UBE4A: variants seen among roughly 807,000 people sequenced by gnomAD.
UBE4A encodes the protein ubiquitin conjugation factor E4 A.
In UBE4A, 48 loss-of-function variants were observed where a neutral mutation model predicts 117.9. The ratio of observed to expected loss-of-function variants is 0.41; its 90% confidence interval spans 0.32 to 0.52. The LOEUF is 0.52. Among genes scored for constraint, UBE4A ranks in the 20% least tolerant of loss-of-function variants. UBE4A has a pLI of 0.33. For missense variants in UBE4A, 1,067 were observed against 1,296.3 expected, an observed-to-expected ratio of 0.82 and a Z score of 2.72; for synonymous variants, 407 against 450.0, an observed-to-expected ratio of 0.90 and a Z score of 1.21.
intron 19 of UBE4A, among the ~76,000 whole-genome samples, chr11:118,394,261 C>G (rs1398252744): frequency 2.0e-5 from 3 of 152,042 alleles, no homozygotes; most frequent in African/African-American, 4.8e-5. Flanking sequence ...GCTCAAGCAA[C>G]CCTCCCATCT....
Position 118,375,091 on chromosome 11 carries a change from C to G in UBE4A, c.1312C>G (p.Leu438Val). The change falls in exon 9 of 20, where the codon CTG (leucine) becomes GTG (valine). Residue 438 changes from leucine to valine, a missense_variant. By Grantham distance (32) the Leu-to-Val change is conservative (BLOSUM62 1). Transcript: ENST00000252108. ...MYASDAFFLN[L>V]GAALLKLCQP... ...TGCCTCAGATGCTTTCTTTCTGAAT[C>G]TGGGTGCTGCTCTCCTGAAGCTATG... 6.2e-7 allele frequency: 1 copy of G among 1,614,222 alleles called. No homozygotes were observed. The highest frequency in any genetic ancestry group is 8.5e-7 in the Non-Finnish European group (1 of 1,180,044).
In UBE4A at chr11:118,373,135, A is replaced by T; in HGVS notation, c.771A>T (p.Ile257=). 6.2e-7 allele frequency: 1 copy of T among 1,614,120 alleles called. No individual in the cohort carries two copies. The highest frequency in any genetic ancestry group is 8.5e-7 in the Non-Finnish European group (1 of 1,180,016). Residue 257 remains isoleucine, a synonymous_variant, in exon 7 of 20, where the codon ATA becomes ATT. Coordinates refer to ENST00000252108, the MANE Select transcript of UBE4A (RefSeq NM_001204077.2). Reference sequence around the variant, plus strand: ...TGGAAGAGGTCATTGAAGCCTTGATATTGGATGAGGAAGTTAGAACATTTC... The same window carrying T: ...TGGAAGAGGTCATTGAAGCCTTGATTTTGGATGAGGAAGTTAGAACATTTC... The part of the protein sequence containing the change: ...EFLEEVIEAL[I]LDEEVRTFPE...
chr11:118,383,555 T>C (rs1168099922), intron 13 of UBE4A, among the ~76,000 whole-genome samples: 1 of 121,428 alleles, frequency 8.2e-6, no homozygotes, highest in Non-Finnish European at 1.6e-5. Flanking sequence ...ATCGCACCAC[T>C]CCAGCCTGGA....
rs781794081 is a variant in UBE4A at position 118,379,788 on chromosome 11, CCTT to C, written c.1876+41_1876+43del. 1.9e-6 allele frequency: 3 copies of C among 1,572,954 alleles called. No homozygotes were observed. The East Asian group carries it at 6.8e-5, about 36-fold the overall frequency. ...TCCCTTGGGAATGTCCTGTTTATAGCCTTCTGAGTTTAAGTGGGTCACTTTGGA... is the reference window on the plus strand; with the variant it reads ...TCCCTTGGGAATGTCCTGTTTATAGCCTGAGTTTAAGTGGGTCACTTTGGA... On this transcript the variant is annotated intron_variant, in intron 11 of 19. Coordinates refer to ENST00000252108, the MANE Select transcript of UBE4A (RefSeq NM_001204077.2).
At chr11:118,394,069 C>T (rs1214749694) in intron 19 of UBE4A, among the ~76,000 whole-genome samples, 3 of 152,158 alleles carry the variant, frequency 2.0e-5, no homozygotes, top group Admixed American at 2.0e-4. Context: ...TAAATGGTAG[C>T]TTATTAGCTG....
At chr11:118,373,769 C>A in intron 8 of UBE4A, 84 bp downstream of exon 8, 3 of 1,438,708 alleles carry the variant, frequency 2.1e-6, no homozygotes, top group Non-Finnish European at 2.8e-6. Flanking sequence ...GCTGCTCAAG[C>A]CTCTCTGGGA....
chr11:118,386,608 A>G lies in UBE4A; in HGVS notation c.2583A>G (p.Thr861=). The change falls in exon 16 of 20, where the codon ACA becomes ACG. Residue 861 remains threonine (T), a synonymous_variant. Coordinates refer to ENST00000252108, the MANE Select transcript of UBE4A (RefSeq NM_001204077.2). ...CAATCGGTACCCTTGCCTTTCTCACATCAGGTAAGGACATGAAGTACTGCT... is the reference window on the plus strand; with the variant it reads ...CAATCGGTACCCTTGCCTTTCTCACGTCAGGTAAGGACATGAAGTACTGCT... ...NETIGTLAFL[T]SEIKSLFVHP... 1.3e-6 allele frequency: 2 copies of G among 1,571,220 alleles called. No individual in the cohort carries two copies. Among genetic ancestry groups the G allele is most frequent in the South Asian group, 2.4e-5 (2 of 84,678 alleles).
rs1555126926 is a variant in UBE4A, at chr11:118,384,906, A to G, written c.2373A>G (p.Leu791=). The change falls in exon 15 of 20, where the codon CTA becomes CTG. Residue 791 remains leucine, a synonymous_variant. Coordinates refer to ENST00000252108, the MANE Select transcript of UBE4A (RefSeq NM_001204077.2). ...PPLFLRFLNL[L]MNDAIFLLDE... Reference sequence around the variant, plus strand: ...TTTTCCTCCGCTTTCTTAACCTGCTAATGAATGATGCCATCTTCCTTTTGG... The same window carrying G: ...TTTTCCTCCGCTTTCTTAACCTGCTGATGAATGATGCCATCTTCCTTTTGG... 7 of 1,613,226 alleles carry G rather than the reference A, an allele frequency of 4.3e-6. No individual in the cohort carries two copies. In the South Asian group the frequency reaches 6.6e-5, roughly 15 times the overall value.
intron 9 of UBE4A, among the ~76,000 whole-genome samples, chr11:118,375,651 G>A (rs1397684730): frequency 2.0e-5 from 3 of 151,588 alleles, no homozygotes; most frequent in Non-Finnish European, 4.4e-5. Flanking sequence ...GAGCCACCAC[G>A]CCCAGCCAGA....
At chr11:118,371,371 T>C in intron 4 of UBE4A, 143 bp from the exon 5 acceptor site, 2 of 1,030,778 alleles carry the variant, frequency 1.9e-6, no homozygotes, top group South Asian at 1.9e-5. Flanking sequence ...AGTAAAAATA[T>C]ACAGGGCCCT....
chr11:118,362,477 A>AGCTTCCTTTCT (rs1948528132), intron 1 of UBE4A, among the ~76,000 whole-genome samples: 2 of 152,272 alleles, frequency 1.3e-5, no homozygotes, highest in South Asian at 4.1e-4. Context: ...CCTGGCTTTC[A>AGCTTCCTTTCT]GCTTCCTTTC....
At position 118,369,459 on chromosome 11, in the gene UBE4A, G is replaced by A; in HGVS notation, c.332G>A (p.Ser111Asn). 2 of 1,614,180 alleles carry A rather than the reference G, an allele frequency of 1.2e-6. No individual in the cohort carries two copies. The highest frequency in any genetic ancestry group is 1.1e-5 in the South Asian group (1 of 91,082). Residue 111 changes from serine to asparagine, a missense_variant, in exon 4 of 20, where the codon AGC becomes AAC. Transcript: ENST00000252108. ...TTGAAAAGCGGGAATGGCATCCCTA[G>A]CCGTTGTGTGTATTTGGAAGAAATG... is the stretch of plus-strand genomic sequence containing the variant. Reference protein sequence around the residue: ...PSLKSGNGIPSRCVYLEEMAV... With the variant: ...PSLKSGNGIPNRCVYLEEMAV...
chr11:118,382,808 G>T, intron 13 of UBE4A, 32 bp downstream of exon 13: 1 of 1,507,150 alleles, frequency 6.6e-7, no homozygotes, highest in South Asian at 1.3e-5. Context: ...GCCCAGAACT[G>T]GGAAGCTGAT....
intron 9 of UBE4A, 87 bp from the exon 10 acceptor site, chr11:118,376,486 AC>A (rs1948653500): frequency 1.3e-6 from 2 of 1,489,074 alleles, no homozygotes; most frequent in East Asian, 4.6e-5. Flanking sequence ...AGAAGATATC[AC>A]TGCTAACAGT....
At position 118,376,605 on chromosome 11, in the gene UBE4A, T is replaced by C; in HGVS notation, c.1482T>C (p.Ala494=). The part of the protein sequence containing the change: ...GLDKETCLIP[A]VQEPKFPQNY... ...ACAAAGAAACCTGTTTGATCCCAGC[T>C]GTGCAGGAGCCGAAGTTTCCACAGA... Residue 494 remains alanine (A), a synonymous_variant, in exon 10 of 20, where the codon GCT becomes GCC. Transcript: ENST00000252108. 2 of 1,614,106 alleles carry C rather than the reference T, an allele frequency of 1.2e-6. No homozygotes were observed. The highest frequency in any genetic ancestry group is 8.5e-7 in the Non-Finnish European group (1 of 1,179,986).
In UBE4A at chr11:118,369,681, A is replaced by G. The variant is rs183325988; in HGVS notation, c.408+146A>G. ...TTTTTTTTTTACCAGTAGAAGGCCA[A>G]GTAACCTGGATGTGCATCTCTAACA... On this transcript the variant is annotated intron_variant, in intron 4 of 19. Coordinates refer to ENST00000252108, the MANE Select transcript of UBE4A (RefSeq NM_001204077.2). 1.8e-5 allele frequency: 11 copies of G among 606,224 alleles called. No homozygotes were observed. The African/African-American group carries it at 1.9e-4, about 10-fold the overall frequency. The allele number at this position is 606,224 out of a possible 1,614,324, so 37.6% of individuals were successfully genotyped here.
chr11:118,368,685 A>G lies in UBE4A; in HGVS notation c.176A>G (p.Asp59Gly). 1 of 1,614,184 alleles carries G rather than the reference A, an allele frequency of 6.2e-7. No homozygotes were observed. Among genetic ancestry groups the G allele is most frequent in the East Asian group, 2.2e-5 (1 of 44,882 alleles). ...DSDNSVSESLDEFDYSVAEIS... is the reference protein window; with the variant it reads ...DSDNSVSESLGEFDYSVAEIS... The stretch of plus-strand genomic sequence containing the variant: ...GATAATAGCGTGTCAGAGAGCCTGG[A>G]TGAATTCGATTACTCTGTGGCTGAG... The change falls in exon 3 of 20, where the codon GAT becomes GGT. Residue 59 changes from aspartate (D) to glycine (G), a missense_variant. By Grantham distance (94) the Asp-to-Gly change is moderately conservative. This residue lies in a region of UBE4A where 1,001 missense variants were observed against 1,184.0 expected (regional missense o/e 0.85). Coordinates refer to ENST00000252108, the MANE Select transcript of UBE4A (RefSeq NM_001204077.2).
chr11:118,390,475 ATAAT>A lies in UBE4A; in HGVS notation c.2769-181_2769-178del, dbSNP rs1478553216. 3.0e-4 allele frequency among the ~76,000 whole-genome samples: 44 copies of A among 146,034 alleles called. No individual in the cohort carries two copies. The East Asian group carries it at 8.2e-3, about 27-fold the overall frequency. ...TATATATTATATTTTATTATTATAAATAATAAATAATAAAATAATATTTATATAT... is the reference window on the plus strand; with the variant it reads ...TATATATTATATTTTATTATTATAAAAAATAATAAAATAATATTTATATAT... On this transcript the variant is annotated intron_variant, in intron 17 of 19. Transcript: ENST00000252108.
chr11:118,381,555 T>G, intron 12 of UBE4A, 32 bp downstream of exon 12: 1 of 1,606,728 alleles, frequency 6.2e-7, no homozygotes, highest in Non-Finnish European at 8.5e-7. Context: ...TCTGTCACTG[T>G]TTAGGCTGTA....
Sources: gnomAD v4.1 joint callset for allele counts (sites outside exome capture counted in the v4.1 genomes callset) on GRCh38, gnomAD v4.1.1 for gene constraint, gnomAD v4.1.1 regional missense constraint, MANE v1.5 for transcripts, NCBI Gene and HGNC (gene_info 2026-07-23, HGNC 2026-07-21) for gene names.